The following CRYBG3 variants were observed in gnomAD, a reference collection of about 807,000 sequenced individuals.
The protein encoded by CRYBG3 is very large A-kinase anchor protein.
Under a neutral mutation model 244.2 loss-of-function variants are expected in CRYBG3, and 127 were observed. The ratio of observed to expected loss-of-function variants is 0.52; its 90% confidence interval spans 0.45 to 0.60. The LOEUF is 0.60. CRYBG3 is among the 20% of genes least tolerant of loss of function. CRYBG3 has a pLI of 0.00. For synonymous variants in CRYBG3, 1,132 were observed against 1,195.8 expected (o/e 0.95, Z 1.10); for missense variants, 3,325 against 3,442.5 (o/e 0.97, Z 0.85).
chr3:97,875,964 TG>T lies in CRYBG3; in HGVS notation c.4771del (p.Val1591PhefsTer26). The T allele has an allele frequency of 8.1e-7, 1 of 1,232,102 alleles. No individual in the cohort carries two copies. The highest frequency in any genetic ancestry group is 1.0e-6 in the Non-Finnish European group (1 of 987,946). 76.3% of individuals were successfully genotyped at this position (1,232,102 alleles called of 1,614,324 possible). On this transcript the variant is annotated frameshift_variant, in exon 4 of 22. Coordinates refer to ENST00000389622, the MANE Select transcript of CRYBG3 (RefSeq NM_153605.4). LOFTEE classifies it high-confidence loss of function. ...NVTKTEPKAN[V>X]FKMGEVYQMD... ...TCACGAAAACTGAGCCAAAAGCTAA[TG>T]TTTTTAAAATGGGAGAAGTATACCA...
At chr3:97,882,374 G>T (rs1475071866) in intron 7 of CRYBG3, among the ~76,000 whole-genome samples, 1 of 150,052 alleles carries the variant, frequency 6.7e-6, no homozygotes, top group East Asian at 2.0e-4. Context: ...GTATAGACGT[G>T]TGTGCATGCA....
chr3:97,929,212 C>CA (rs1303347455), intron 17 of CRYBG3, among the ~76,000 whole-genome samples: 7 of 151,886 alleles, frequency 4.6e-5, no homozygotes, highest in African/African-American at 1.7e-4. Flanking sequence ...AATGGTTGGC[C>CA]AGCTTCAAAG....
intron 1 of CRYBG3, among the ~76,000 whole-genome samples, chr3:97,841,238 A>ATATACATATATGTATATATGTGTGTG (rs1286675541): frequency 1.3e-5 from 2 of 149,754 alleles, no homozygotes; most frequent in African/African-American, 4.9e-5. Flanking sequence ...ATATGTGTGT[A>ATATACATATATGTATATATGTGTGTG]TATACATATA....
Position 97,872,791 on chromosome 3 carries a change from A to C in CRYBG3, c.1597A>C (p.Ser533Arg), listed in dbSNP as rs1031178640. ...AVREIRRETE[S>R]ASAGESIASS... ...TAGAGAAATCAGGCGAGAAACAGAA[A>C]GTGCCTCAGCTGGTGAATCCATAGC... is the stretch of plus-strand genomic sequence containing the variant. Residue 533 changes from serine to arginine, a missense_variant, in exon 4 of 22, where the codon AGT (serine) becomes CGT (arginine). This residue lies in a region of CRYBG3 where 1,526 missense variants were observed against 1,443.2 expected (regional missense o/e 1.06). Coordinates refer to ENST00000389622, the MANE Select transcript of CRYBG3 (RefSeq NM_153605.4). 12 of 1,535,866 alleles carry C rather than the reference A, an allele frequency of 7.8e-6. No individual in the cohort carries two copies. In the African/African-American group the frequency reaches 1.5e-4, roughly 19 times the overall value.
chr3:97,900,358 AG>A (rs1195566134), intron 14 of CRYBG3, 94 bp from the exon 15 acceptor site: 1 of 781,790 alleles, frequency 1.3e-6, no homozygotes, highest in Non-Finnish European at 2.1e-6. Flanking sequence ...AAAAAAGAAA[AG>A]AAAAAAAAAT....
Position 97,876,569 on chromosome 3 carries a change from C to G in CRYBG3, c.5375C>G (p.Ala1792Gly), listed in dbSNP as rs1056153361. ...ATGGAAGCTACTTACCGAAAGACTG[C>G]TGAAGAGGTCATTAAGAATACTGAA... Reference protein sequence around the residue: ...LKMEATYRKTAEEVIKNTEIV... With the variant: ...LKMEATYRKTGEEVIKNTEIV... Residue 1792 changes from alanine (A) to glycine (G), a missense_variant, in exon 4 of 22, where the codon GCT becomes GGT. Transcript: ENST00000389622. The G allele has an allele frequency of 1.2e-5, 15 of 1,232,256 alleles. No homozygotes were observed. The highest frequency in any genetic ancestry group is 1.5e-5 in the Non-Finnish European group (15 of 988,136). The allele number at this position is 1,232,256 out of a possible 1,614,324, so 76.3% of individuals were successfully genotyped here.
chr3:97,931,462 G>T (rs1452563595), intron 17 of CRYBG3, among the ~76,000 whole-genome samples: 7 of 152,176 alleles, frequency 4.6e-5, no homozygotes, highest in African/African-American at 1.7e-4. Context: ...TGTCAGTGCA[G>T]TTCTAGTTTC....
Position 97,871,991 on chromosome 3 carries a change from A to C in CRYBG3, c.797A>C (p.Asn266Thr), listed in dbSNP as rs1559726530. ...RENESSDSST[N>T]RHIDPGSEIE... Reference sequence around the variant, plus strand: ...AATGAAAGTTCTGACTCTAGTACAAACAGACACATTGACCCTGGAAGTGAG... The same window carrying C: ...AATGAAAGTTCTGACTCTAGTACAACCAGACACATTGACCCTGGAAGTGAG... Residue 266 changes from asparagine to threonine, a missense_variant, in exon 4 of 22, where the codon AAC becomes ACC. Physicochemically the swap from Asn to Thr is moderately conservative, Grantham distance 65. Coordinates refer to ENST00000389622, the MANE Select transcript of CRYBG3 (RefSeq NM_153605.4). 1 of 1,535,940 alleles carries C rather than the reference A, an allele frequency of 6.5e-7. No homozygotes were observed. The highest frequency in any genetic ancestry group is 8.7e-7 in the Non-Finnish European group (1 of 1,146,752).
intron 2 of CRYBG3, among the ~76,000 whole-genome samples, chr3:97,851,896 G>A (rs560565677): frequency 8.5e-5 from 13 of 152,238 alleles, no homozygotes; most frequent in African/African-American, 2.9e-4. Flanking sequence ...CAGCAAATCC[G>A]GTTAGGCCAC....
chr3:97,884,426 A>G (rs1167124526), intron 7 of CRYBG3, among the ~76,000 whole-genome samples: 1 of 152,152 alleles, frequency 6.6e-6, no homozygotes, highest in Non-Finnish European at 1.5e-5. Flanking sequence ...GGTATCTTAT[A>G]TAAGGTAGAG....
chr3:97,822,184 C>T lies in CRYBG3; in HGVS notation c.-23C>T, dbSNP rs768124717. ...CTAGGCCGTTCCCTTCAGACAGCCCCGGGCCAGCGGCCCCCTCGGGAAATG... is the reference window on the plus strand; with the variant it reads ...CTAGGCCGTTCCCTTCAGACAGCCCTGGGCCAGCGGCCCCCTCGGGAAATG... On this transcript the variant is annotated 5_prime_UTR_variant, in exon 1 of 22. Transcript: ENST00000389622. 6.6e-6 allele frequency: 10 copies of T among 1,503,904 alleles called. No homozygotes were observed. Among genetic ancestry groups the T allele is most frequent in the South Asian group, 6.4e-5 (5 of 78,682 alleles). 93.2% of individuals were successfully genotyped at this position (1,503,904 alleles called of 1,614,324 possible). A position where few individuals can be genotyped will look rare whatever the true frequency, so the allele number is the denominator to read the frequency against.
rs1403008059 is a variant in CRYBG3, at chr3:97,941,313, A to G, written c.8664+7A>G. 4 of 1,600,708 alleles carry G rather than the reference A, an allele frequency of 2.5e-6. No homozygotes were observed. Among genetic ancestry groups the G allele is most frequent in the Non-Finnish European group, 2.6e-6 (3 of 1,172,172 alleles). ...AGGACTCTTTAAATCCAAGGTAAGCAATCCCACTGATACAGTATGCCACTT... is the reference window on the plus strand; with the variant it reads ...AGGACTCTTTAAATCCAAGGTAAGCGATCCCACTGATACAGTATGCCACTT... On this transcript the variant is annotated splice_region_variant and intron_variant, in intron 20 of 21. Transcript: ENST00000389622.
In CRYBG3 at chr3:97,866,188, G is replaced by T. The variant is rs544474575; in HGVS notation, c.647+1541G>T. ...ATGATAATACCCTGAGTGAGTCAGA[G>T]TTGATAAGGCTGACACTCATATACC... is the stretch of plus-strand genomic sequence containing the variant. On this transcript the variant is annotated intron_variant, in intron 3 of 21. Transcript: ENST00000389622. 5.9e-5 allele frequency among the ~76,000 whole-genome samples: 9 copies of T among 152,246 alleles called. 1 individual carries two copies. The highest frequency in any genetic ancestry group is 2.2e-4 in the African/African-American group (9 of 41,550).
intron 2 of CRYBG3, among the ~76,000 whole-genome samples, chr3:97,859,826 G>T (rs1220862506): frequency 6.6e-6 from 1 of 151,950 alleles, no homozygotes; most frequent in African/African-American, 2.4e-5. Context: ...ACTTTACTTG[G>T]CAGAGAAGAT....
At chr3:97,840,340 A>ATGT (rs2038794447) in intron 1 of CRYBG3, among the ~76,000 whole-genome samples, 1 of 152,160 alleles carries the variant, frequency 6.6e-6, no homozygotes, top group South Asian at 2.1e-4. Context: ...ATTTTAAAAT[A>ATGT]TGTTGTTTGC....
chr3:97,840,658 T>C (rs1280328015), intron 1 of CRYBG3: 1 of 152,108 alleles, frequency 6.6e-6, no homozygotes, highest in Non-Finnish European at 1.5e-5. Flanking sequence ...AAACTTACCG[T>C]TTTCATTTAC....
chr3:97,939,270 A>G (rs2040200034), intron 19 of CRYBG3, among the ~76,000 whole-genome samples: 1 of 151,980 alleles, frequency 6.6e-6, no homozygotes, highest in Non-Finnish European at 1.5e-5. Flanking sequence ...TTAAACATTT[A>G]ATTTCAAAAT....
At chr3:97,826,766 A>G (rs1031215461) in intron 1 of CRYBG3, among the ~76,000 whole-genome samples, 9 of 152,254 alleles carry the variant, frequency 5.9e-5, no homozygotes, top group Non-Finnish European at 1.0e-4. Flanking sequence ...TAAATGGATG[A>G]CCAAATATGC....
chr3:97,862,347 A>G (rs1042995429), intron 2 of CRYBG3, among the ~76,000 whole-genome samples: 10 of 152,060 alleles, frequency 6.6e-5, no homozygotes, highest in African/African-American at 2.2e-4. Context: ...CTCTTTTGCA[A>G]ATTTTTAAAG....
Sources: allele counts gnomAD v4.1 joint callset (sites outside exome capture counted in the v4.1 genomes callset), GRCh38; gene constraint gnomAD v4.1.1; regional missense constraint gnomAD v4.1.1; transcripts MANE v1.5; gene names NCBI Gene and HGNC (gene_info 2026-07-23, HGNC 2026-07-21).